Variants in DLC1 observed in about 807,000 individuals in gnomAD.
The protein encoded by DLC1 is rho GTPase-activating protein 7.
A neutral mutation model predicts 140.3 loss-of-function variants in DLC1; 54 were observed. The ratio of observed to expected loss-of-function variants is 0.38; its 90% CI spans 0.31 to 0.48. The LOEUF (loss-of-function observed/expected upper bound fraction) is 0.48. Among genes scored for constraint, DLC1 ranks in the 20% least tolerant of loss-of-function variants. The pLI is 0.96. For missense variants in DLC1, 2,536 were observed against 1,907.0 expected, an observed-to-expected ratio of 1.33 and a Z score of -6.14; for synonymous variants, 986 against 728.1, an observed-to-expected ratio of 1.35 and a Z score of -5.70.
At chr8:13,544,982 C>G (rs1803606642) in intron 1 of DLC1, among the ~76,000 whole-genome samples, 1 of 152,122 alleles carries the variant, frequency 6.6e-6, no homozygotes, top group South Asian at 2.1e-4. Flanking sequence ...ATAGCACCCC[C>G]CCTGGAACTG....
chr8:13,580,693 G>A (rs1805064457), intron 1 of DLC1, among the ~76,000 whole-genome samples: 1 of 152,218 alleles, frequency 6.6e-6, no homozygotes, highest in Admixed American at 6.5e-5. Flanking sequence ...AATAGGTCTT[G>A]CATAATGGGT....
At chr8:13,103,754 C>T (rs1335014508) in intron 7 of DLC1, among the ~76,000 whole-genome samples, 3 of 148,694 alleles carry the variant, frequency 2.0e-5, no homozygotes, top group Admixed American at 6.8e-5. Flanking sequence ...CAGGAAGAAT[C>T]GCTTGAACCT....
chr8:13,155,364 G>GAA (rs112251278), intron 5 of DLC1, among the ~76,000 whole-genome samples: 22 of 150,120 alleles, frequency 1.5e-4, no homozygotes, highest in South Asian at 1.0e-3. Flanking sequence ...AAAAGCAAAT[G>GAA]AAAAATAAAA....
chr8:13,516,063 T>C (rs150413615), upstream of DLC1, among the ~76,000 whole-genome samples: 79 of 152,334 alleles, frequency 5.2e-4, no homozygotes, highest in African/African-American at 1.9e-3. Flanking sequence ...ACAGCATCTC[T>C]GACTTTAATT....
intron 4 of DLC1, among the ~76,000 whole-genome samples, chr8:13,385,887 G>A (rs1027847241): frequency 1.3e-5 from 2 of 152,136 alleles, no homozygotes; most frequent in African/African-American, 4.8e-5. Context: ...AAAAATATGG[G>A]AAAATATTTA....
intron 1 of DLC1, among the ~76,000 whole-genome samples, chr8:13,534,935 G>A (rs888462710): frequency 4.6e-5 from 7 of 151,098 alleles, no homozygotes; most frequent in Admixed American, 2.6e-4. Flanking sequence ...TCCTCTAACT[G>A]ATGTAGTACA....
At chr8:13,119,726 A>G (rs1820875999) in intron 5 of DLC1, among the ~76,000 whole-genome samples, 1 of 152,050 alleles carries the variant, frequency 6.6e-6, no homozygotes, top group Non-Finnish European at 1.5e-5. Flanking sequence ...CCTAGGTGGG[A>G]GTATCATTTG....
At chr8:13,115,446 T>G (rs1407442402) in intron 6 of DLC1, 140 bp downstream of exon 6, 2 of 767,960 alleles carry the variant, frequency 2.6e-6, no homozygotes, top group East Asian at 3.0e-5. Flanking sequence ...GCGGTGGGGG[T>G]CTTGCATGCT....
At chr8:13,335,132 G>A (rs1023287675) in intron 4 of DLC1, among the ~76,000 whole-genome samples, 1 of 152,098 alleles carries the variant, frequency 6.6e-6, no homozygotes, top group African/African-American at 2.4e-5. Context: ...AGACTATGGG[G>A]GCAGGATGAG....
chr8:13,375,801 C>G (rs1273028090), intron 4 of DLC1, among the ~76,000 whole-genome samples: 1 of 151,906 alleles, frequency 6.6e-6, no homozygotes, highest in African/African-American at 2.4e-5. Flanking sequence ...CATTTGAATT[C>G]AAAGAAGAAC....
At chr8:13,466,984 G>A (rs1585157613) in intron 2 of DLC1, among the ~76,000 whole-genome samples, 1 of 149,828 alleles carries the variant, frequency 6.7e-6, no homozygotes, top group Non-Finnish European at 1.5e-5. Flanking sequence ...GACTCTATAT[G>A]TGAGTATGAC....
At chr8:13,326,692 C>T (rs1281123666) in intron 4 of DLC1, among the ~76,000 whole-genome samples, 1 of 152,170 alleles carries the variant, frequency 6.6e-6, no homozygotes. Flanking sequence ...CAAACTTCAG[C>T]GTGCATTGGA....
intron 5 of DLC1, among the ~76,000 whole-genome samples, chr8:13,224,125 T>C (rs1054177743): frequency 6.6e-6 from 1 of 152,230 alleles, no homozygotes; most frequent in African/African-American, 2.4e-5. Flanking sequence ...TCGTTCTTTG[T>C]TAAGCAATTA....
chr8:13,137,176 C>T (rs114893650), intron 5 of DLC1, among the ~76,000 whole-genome samples: 4 of 152,086 alleles, frequency 2.6e-5, no homozygotes, highest in Non-Finnish European at 4.4e-5. Flanking sequence ...CAAACAGTGG[C>T]GCTTTACCTC....
chr8:13,244,996 G>A (rs1162856131), intron 5 of DLC1, among the ~76,000 whole-genome samples: 1 of 152,152 alleles, frequency 6.6e-6, no homozygotes, highest in Non-Finnish European at 1.5e-5. Flanking sequence ...TTCAAGAGTT[G>A]AGCTTTATTT....
At chr8:13,305,766 A>C (rs1832392427) in intron 4 of DLC1, among the ~76,000 whole-genome samples, 1 of 152,142 alleles carries the variant, frequency 6.6e-6, no homozygotes, top group African/African-American at 2.4e-5. Context: ...GAGCCCAGGG[A>C]GATCAAAGCT....
In DLC1 at chr8:13,282,349, A is replaced by G. The variant is rs1319571126; in HGVS notation, c.1348+22920T>C. 2.6e-5 allele frequency among the ~76,000 whole-genome samples: 4 copies of G among 152,188 alleles called. No homozygotes were observed. In the East Asian group the frequency reaches 5.8e-4, roughly 22 times the overall value. On this transcript the variant is annotated intron_variant, in intron 5 of 17. Coordinates refer to ENST00000276297, the MANE Select transcript of DLC1 (RefSeq NM_182643.3). ...AGCAGAGAGGTAGGAAATAAAACAT[A>G]CTGGAAAAAGGAAAGAGGATGTAGA...
intron 5 of DLC1, among the ~76,000 whole-genome samples, chr8:13,256,270 A>C (rs1030872353): frequency 1.3e-5 from 2 of 152,238 alleles, no homozygotes; most frequent in African/African-American, 4.8e-5. Context: ...AACTCAAACA[A>C]GGTTTTACAT....
intron 4 of DLC1, among the ~76,000 whole-genome samples, chr8:13,391,980 C>T (rs1044002987): frequency 4.0e-5 from 6 of 151,028 alleles, no homozygotes; most frequent in Non-Finnish European, 7.4e-5. Flanking sequence ...TTAAGAAAAA[C>T]ATTTTCTTTA....
Sources: allele counts gnomAD v4.1 joint callset (sites outside exome capture counted in the v4.1 genomes callset), GRCh38; gene constraint gnomAD v4.1.1; transcripts MANE v1.5; gene names NCBI Gene and HGNC (gene_info 2026-07-23, HGNC 2026-07-21).